Variants in AHCYL2 observed in about 807,000 individuals in gnomAD.
The protein encoded by AHCYL2 is adenosylhomocysteinase like 2.
Under a neutral mutation model 81.4 loss-of-function variants are expected in AHCYL2, and 28 were observed. The observed-to-expected ratio is 0.34, with a 90% CI of 0.25 to 0.47. AHCYL2 has a LOEUF of 0.47. Ranked by LOEUF, AHCYL2 falls within the 20% of genes least tolerant of loss-of-function variation. AHCYL2 has a pLI of 1.00. For missense variants in AHCYL2, 551 were observed against 785.1 expected (o/e 0.70, Z 3.56); for synonymous variants, 272 against 290.2 (o/e 0.94, Z 0.64).
chr7:129,236,418 C>G (rs1794646405), intron 1 of AHCYL2, among the ~76,000 whole-genome samples: 1 of 151,958 alleles, frequency 6.6e-6, no homozygotes, highest in Admixed American at 6.6e-5. Context: ...CCAGGATGGT[C>G]TTGAACTCCT....
chr7:129,409,609 A>G, intron 11 of AHCYL2, 63 bp downstream of exon 11: 2 of 1,367,800 alleles, frequency 1.5e-6, no homozygotes, highest in Non-Finnish European at 2.1e-6. Context: ...CAGGTGCAAG[A>G]TGATTGGAAA....
intron 12 of AHCYL2, among the ~76,000 whole-genome samples, chr7:129,418,562 A>T (rs1187837224): frequency 6.6e-6 from 1 of 152,032 alleles, no homozygotes; most frequent in African/African-American, 2.4e-5. Context: ...GCCTCCCGAA[A>T]TGCTGGGATT....
In AHCYL2 at chr7:129,409,522, G is replaced by C. The variant is rs1224824928; in HGVS notation, c.1342G>C (p.Val448Leu). ...LVKLNEVIRQ[V>L]DIVITCTGNK... ...GAAATTAAATGAGGTCATCCGACAA[G>C]TGGACATTGTTATTACCTGTACAGG... Residue 448 changes from valine (V) to leucine (L), a missense_variant, in exon 11 of 17, where the codon GTG becomes CTG. Val to Leu is a conservative substitution (Grantham distance 32). Around this residue, in one of 2 missense-constraint regions of AHCYL2, gnomAD observed 316 missense variants for 543.1 expected, o/e 0.58. Transcript: ENST00000325006. 4 of 1,613,806 alleles carry C rather than the reference G, an allele frequency of 2.5e-6. No homozygotes were observed. The East Asian group carries it at 8.9e-5, about 36-fold the overall frequency.
Position 129,428,738 on chromosome 7 carries a change from G to A in AHCYL2, c.*1693G>A, listed in dbSNP as rs1042424604. ...TCTGAAAGTGACCTTACTTTCGGAAGTAGGGAAGTGGAACTTTGGTAAATG... is the reference window on the plus strand; with the variant it reads ...TCTGAAAGTGACCTTACTTTCGGAAATAGGGAAGTGGAACTTTGGTAAATG... On this transcript the variant is annotated 3_prime_UTR_variant, in exon 17 of 17. Transcript: ENST00000325006. 1.3e-5 allele frequency: 2 copies of A among 152,178 alleles called. No homozygotes were observed. The highest frequency in any genetic ancestry group is 4.8e-5 in the African/African-American group (2 of 41,430). The allele number at this position is 152,178 out of a possible 1,614,324, so 9.4% of individuals were successfully genotyped here.
At chr7:129,400,231 A>AT in intron 5 of AHCYL2, 59 bp from the exon 6 acceptor site, 2 of 1,482,110 alleles carry the variant, frequency 1.3e-6, no homozygotes, top group African/African-American at 2.8e-5. Flanking sequence ...TCTCACTAAA[A>AT]TTAGGGGGTC....
intron 2 of AHCYL2, 99 bp downstream of exon 2, chr7:129,379,848 CTG>C (rs1794871221): frequency 5.9e-6 from 5 of 850,570 alleles, no homozygotes; most frequent in Middle Eastern, 2.3e-4. Flanking sequence ...ATGACCAAGA[CTG>C]TGCTTTGAAT....
rs188954766 is a variant in AHCYL2 at position 129,260,863 on chromosome 7, A to G, written c.363+35424A>G. Among the ~76,000 whole-genome samples, 215 of 152,036 alleles carry G rather than the reference A, an allele frequency of 1.4e-3. 1 individual carries two copies. The highest frequency in any genetic ancestry group is 0.014 in the Middle Eastern group (4 of 294). ...GAGTGCAGTGGCACGATCTCTGCTC[A>G]CTGCAACCTCCGCCTCCTGGGTTCA... On this transcript the variant is annotated intron_variant, in intron 1 of 16. Transcript: ENST00000325006.
At chr7:129,317,506 T>C (rs2694575) in intron 1 of AHCYL2, among the ~76,000 whole-genome samples, 9,407 of 152,258 alleles carry the variant, frequency 0.062, 941 homozygotes, top group African/African-American at 0.21. Flanking sequence ...TAGGAAATCT[T>C]GCAGACCACA....
Position 129,426,303 on chromosome 7 carries a change from G to C in AHCYL2, c.1709-140G>C. The C allele has an allele frequency of 7.8e-7, 1 of 1,278,632 alleles. No homozygotes were observed. Among genetic ancestry groups the C allele is most frequent in the Non-Finnish European group, 1.1e-6 (1 of 890,674 alleles). 79.2% of individuals were successfully genotyped at this position (1,278,632 alleles called of 1,614,324 possible). On this transcript the variant is annotated intron_variant, in intron 15 of 16. Coordinates refer to ENST00000325006, the MANE Select transcript of AHCYL2 (RefSeq NM_015328.4). The surrounding 1 kb of genome is among the most constrained non-coding windows in gnomAD (Gnocchi z 4.3). ...AGCTATTCCTTAGAATTGAGGACCAGTGAGCGAAGGTTGAACATTTTTCAT... is the reference window on the plus strand; with the variant it reads ...AGCTATTCCTTAGAATTGAGGACCACTGAGCGAAGGTTGAACATTTTTCAT...
chr7:129,254,522 T>C (rs1795345714), intron 1 of AHCYL2, among the ~76,000 whole-genome samples: 1 of 152,218 alleles, frequency 6.6e-6, no homozygotes, highest in Non-Finnish European at 1.5e-5. Context: ...AGACAAAACC[T>C]AGATACTTTA....
intron 1 of AHCYL2, among the ~76,000 whole-genome samples, chr7:129,252,378 A>G (rs1186493991): frequency 6.6e-6 from 1 of 152,226 alleles, no homozygotes; most frequent in African/African-American, 2.4e-5. Context: ...GGTTTTATTT[A>G]AGATCATCGG....
At chr7:129,260,703 ATTAACTT>A (rs1409672829) in intron 1 of AHCYL2, among the ~76,000 whole-genome samples, 2 of 152,134 alleles carry the variant, frequency 1.3e-5, no homozygotes, top group East Asian at 3.8e-4. Context: ...ATGAATTTGT[ATTAACTT>A]TTAAGCTGTC....
In AHCYL2 at chr7:129,299,293, A is replaced by AC. The variant is rs398006251; in HGVS notation, c.363+73855dup. Among the ~76,000 whole-genome samples, 38 of 149,224 alleles carry AC rather than the reference A, an allele frequency of 2.5e-4. No homozygotes were observed. In the South Asian group the frequency reaches 5.7e-3, roughly 22 times the overall value. ...CCCCTCCTCTACCAAAAAAAAAAAA[A>AC]CAAAAAACTATCCGGGCATAGTGGC... On this transcript the variant is annotated intron_variant, in intron 1 of 16. Transcript: ENST00000325006.
At chr7:129,334,654 C>T (rs1414198031) in intron 1 of AHCYL2, among the ~76,000 whole-genome samples, 2 of 152,112 alleles carry the variant, frequency 1.3e-5, no homozygotes, top group Non-Finnish European at 2.9e-5. Flanking sequence ...TACTTAACTG[C>T]CCCAGGAGGC....
chr7:129,268,347 GT>G (rs756831794), intron 1 of AHCYL2, among the ~76,000 whole-genome samples: 1 of 151,810 alleles, frequency 6.6e-6, no homozygotes, highest in Admixed American at 6.6e-5. Context: ...TTCTTTTTTT[GT>G]TTTTGTTTTT....
intron 1 of AHCYL2, among the ~76,000 whole-genome samples, chr7:129,312,347 A>G (rs968111269): frequency 1.3e-5 from 2 of 152,060 alleles, no homozygotes; most frequent in Non-Finnish European, 2.9e-5. Flanking sequence ...CAGCCTCCCA[A>G]AGTGCTGGGA....
intron 2 of AHCYL2, chr7:129,387,978 C>T (rs1340855373): frequency 6.6e-6 from 1 of 152,180 alleles, no homozygotes; most frequent in Admixed American, 6.5e-5. Flanking sequence ...TTACAGCCCT[C>T]GCAGAGGTAG....
chr7:129,405,950 A>C (rs766151871), intron 9 of AHCYL2, 51 bp downstream of exon 9: 11 of 1,565,314 alleles, frequency 7.0e-6, no homozygotes, highest in Non-Finnish European at 9.6e-6. Context: ...TTTTGTTGAA[A>C]TATTCTGGAA....
At chr7:129,417,102 G>A (rs1244683752) in intron 12 of AHCYL2, among the ~76,000 whole-genome samples, 1 of 152,200 alleles carries the variant, frequency 6.6e-6, no homozygotes, top group African/African-American at 2.4e-5. Flanking sequence ...ACCAGCCTGG[G>A]TGACAGAGTG....
Sources: allele counts gnomAD v4.1 joint callset (sites outside exome capture counted in the v4.1 genomes callset), GRCh38; gene constraint gnomAD v4.1.1; regional missense constraint gnomAD v4.1.1; non-coding constraint Gnocchi (gnomAD v3.1); transcripts MANE v1.5; gene names NCBI Gene and HGNC (gene_info 2026-07-23, HGNC 2026-07-21).